Variants in GALNT18 observed in about 807,000 individuals in gnomAD.
GALNT18 encodes polypeptide N-acetylgalactosaminyltransferase 18.
GALNT18 carries 44 observed loss-of-function variants against 69.5 expected under a neutral mutation model. The observed-to-expected ratio is 0.63, with a 90% confidence interval of 0.50 to 0.81. GALNT18 has a LOEUF of 0.81. Among genes scored for constraint, GALNT18 ranks in the 40% least tolerant of loss-of-function variants. The pLI, the probability that GALNT18 is intolerant of heterozygous loss-of-function variation, is 0.00. For missense variants in GALNT18, 715 were observed against 810.0 expected, an observed-to-expected ratio of 0.88 and a Z score of 1.42; for synonymous variants, 364 against 318.2, an observed-to-expected ratio of 1.14 and a Z score of -1.53.
At chr11:11,282,827 C>A (rs1036432664) in intron 10 of GALNT18, among the ~76,000 whole-genome samples, 1 of 152,170 alleles carries the variant, frequency 6.6e-6, no homozygotes, top group Admixed American at 6.5e-5. Flanking sequence ...AGAAAAAGAT[C>A]TTTGCTTTTG....
At chr11:11,272,064 C>A (rs1349808998) in intron 10 of GALNT18, among the ~76,000 whole-genome samples, 3 of 152,158 alleles carry the variant, frequency 2.0e-5, no homozygotes, top group Non-Finnish European at 4.4e-5. Flanking sequence ...TAGACTTTGG[C>A]CTCCCAAGCA....
intron 9 of GALNT18, among the ~76,000 whole-genome samples, chr11:11,312,955 G>A (rs540641271): frequency 5.5e-4 from 83 of 152,234 alleles, no homozygotes; most frequent in African/African-American, 1.9e-3. Flanking sequence ...AGACCATCAG[G>A]TGTAACAATT....
rs1344588789 is a variant in GALNT18 at position 11,538,293 on chromosome 11, T to A, written c.235+83066A>T. Among the ~76,000 whole-genome samples the A allele has an allele frequency of 1.3e-5, 2 of 152,188 alleles. No homozygotes were observed. The highest frequency in any genetic ancestry group is 4.8e-5 in the African/African-American group (2 of 41,448). ...GCCACCACCATCCCCAGGGCTATGA[T>A]GGGGCTGGGAAGGCCACTCACTAAG... On this transcript the variant is annotated intron_variant, in intron 1 of 10. Coordinates refer to ENST00000227756, the MANE Select transcript of GALNT18 (RefSeq NM_198516.3). This position sits in a 1 kb window ranked among gnomAD's most constrained non-coding sequence, Gnocchi z 5.2.
At chr11:11,290,004 G>A (rs988974163) in intron 10 of GALNT18, among the ~76,000 whole-genome samples, 5 of 152,144 alleles carry the variant, frequency 3.3e-5, no homozygotes, top group African/African-American at 1.2e-4. Flanking sequence ...ATGACACCAA[G>A]TCCCCAGGGC....
At chr11:11,607,555 TATATC>T (rs1859785743) in intron 1 of GALNT18, among the ~76,000 whole-genome samples, 1 of 152,172 alleles carries the variant, frequency 6.6e-6, no homozygotes, top group Non-Finnish European at 1.5e-5. Context: ...ATATCAAAAT[TATATC>T]ATGCAACAAA....
At position 11,436,018 on chromosome 11, in the gene GALNT18, A is replaced by G. The variant is rs1272165749; in HGVS notation, c.429-3231T>C. On this transcript the variant is annotated intron_variant, in intron 2 of 10. Coordinates refer to ENST00000227756, the MANE Select transcript of GALNT18 (RefSeq NM_198516.3). This position sits in a 1 kb window ranked among gnomAD's most constrained non-coding sequence, Gnocchi z 4.5. Reference sequence around the variant, plus strand: ...CCGCTGTGGCCTCTCTCTCGGCATCAGGAGACACCTTTCCTCAGCCTTCAG... The same window carrying G: ...CCGCTGTGGCCTCTCTCTCGGCATCGGGAGACACCTTTCCTCAGCCTTCAG... Among the ~76,000 whole-genome samples the G allele has an allele frequency of 6.6e-6, 1 of 152,240 alleles. No homozygotes were observed. Among genetic ancestry groups the G allele is most frequent in the Non-Finnish European group, 1.5e-5 (1 of 68,042 alleles).
intron 8 of GALNT18, among the ~76,000 whole-genome samples, chr11:11,328,681 G>C (rs528237971): frequency 1.1e-4 from 16 of 152,318 alleles, no homozygotes; most frequent in Non-Finnish European, 2.4e-4. Flanking sequence ...GTCTCAGGCA[G>C]AGCCCCCAGT....
Position 11,597,821 on chromosome 11 carries a change from C to A in GALNT18, c.235+23538G>T, listed in dbSNP as rs181432092. Among the ~76,000 whole-genome samples, 267 of 152,008 alleles carry A rather than the reference C, an allele frequency of 1.8e-3. 3 individuals carry two copies. In the East Asian group the frequency reaches 0.042, roughly 24 times the overall value. On this transcript the variant is annotated intron_variant, in intron 1 of 10. Transcript: ENST00000227756. ...GACTACAGGCGCCTGCCACCACGCC[C>A]GGCTAATTTTTTGTATTTTTAGTAG...
chr11:11,569,195 A>C (rs9919639), intron 1 of GALNT18, among the ~76,000 whole-genome samples: 31,375 of 151,166 alleles, frequency 0.21, 4,134 homozygotes, highest in South Asian at 0.35. Context: ...GAGTTATAAA[A>C]CAGCTTCCTC....
rs955613973 is a variant in GALNT18 at position 11,382,662 on chromosome 11, G to T, written c.596-3398C>A. On this transcript the variant is annotated intron_variant, in intron 3 of 10. Coordinates refer to ENST00000227756, the MANE Select transcript of GALNT18 (RefSeq NM_198516.3). This position sits in a 1 kb window ranked among gnomAD's most constrained non-coding sequence, Gnocchi z 4.3. ...ATGACTAATCACAAAGATTTTATCAGGATTTTTGCTGCCCTATCTTTGCTA... is the reference window on the plus strand; with the variant it reads ...ATGACTAATCACAAAGATTTTATCATGATTTTTGCTGCCCTATCTTTGCTA... 6.6e-6 allele frequency among the ~76,000 whole-genome samples: 1 copy of T among 152,126 alleles called. No individual in the cohort carries two copies. The highest frequency in any genetic ancestry group is 6.6e-5 in the Admixed American group (1 of 15,266).
At chr11:11,530,655 T>C (rs1271734555) in intron 1 of GALNT18, among the ~76,000 whole-genome samples, 1 of 152,222 alleles carries the variant, frequency 6.6e-6, no homozygotes, top group Non-Finnish European at 1.5e-5. Context: ...GCCAAGCTCC[T>C]GACCTCCATT....
At chr11:11,553,971 T>A (rs1565009034) in intron 1 of GALNT18, among the ~76,000 whole-genome samples, 1 of 152,190 alleles carries the variant, frequency 6.6e-6, no homozygotes, top group Non-Finnish European at 1.5e-5. Context: ...CTTCCGTAAT[T>A]ATACATTGAT....
chr11:11,585,704 G>T (rs1177620594), intron 1 of GALNT18, among the ~76,000 whole-genome samples: 4 of 151,820 alleles, frequency 2.6e-5, no homozygotes, highest in African/African-American at 9.7e-5. Flanking sequence ...ACAACAGGCT[G>T]AATGCAGAAG....
intron 1 of GALNT18, among the ~76,000 whole-genome samples, chr11:11,451,758 T>C (rs1247988802): frequency 6.6e-6 from 1 of 152,130 alleles, no homozygotes; most frequent in Non-Finnish European, 1.5e-5. Flanking sequence ...TCAAAATACA[T>C]CAGTTAATAA....
intron 6 of GALNT18, chr11:11,351,908 C>A: frequency 3.4e-6 from 5 of 1,480,424 alleles, no homozygotes; most frequent in Admixed American, 2.0e-5. Context: ...TGGACTCCCC[C>A]ACCTCTGCTC....
rs1020696499 is a variant in GALNT18 at position 11,454,790 on chromosome 11, T to A, written c.236-5854A>T. ...GCTCTGGCAGACACGTTGATACCCA[T>A]CTTCCCTCCTGAGTCTCCTCAGTCT... On this transcript the variant is annotated intron_variant, in intron 1 of 10. Coordinates refer to ENST00000227756, the MANE Select transcript of GALNT18 (RefSeq NM_198516.3). The surrounding 1 kb of genome is among the most constrained non-coding windows in gnomAD (Gnocchi z 4.2). Among the ~76,000 whole-genome samples, 2 of 152,036 alleles carry A rather than the reference T, an allele frequency of 1.3e-5. No homozygotes were observed. The highest frequency in any genetic ancestry group is 2.4e-5 in the African/African-American group (1 of 41,404).
At chr11:11,316,731 T>A (rs951659026) in intron 9 of GALNT18, among the ~76,000 whole-genome samples, 1 of 152,244 alleles carries the variant, frequency 6.6e-6, no homozygotes, top group South Asian at 2.1e-4. Flanking sequence ...GCAGAAAGAA[T>A]GGGAGAAATC....
At chr11:11,306,041 T>A (rs958725563) in intron 9 of GALNT18, among the ~76,000 whole-genome samples, 1 of 152,192 alleles carries the variant, frequency 6.6e-6, no homozygotes, top group Non-Finnish European at 1.5e-5. Context: ...ATTAATGACT[T>A]GGATAGAATG....
At chr11:11,532,657 A>T (rs1172500529) in intron 1 of GALNT18, among the ~76,000 whole-genome samples, 1 of 152,212 alleles carries the variant, frequency 6.6e-6, no homozygotes, top group Non-Finnish European at 1.5e-5. Context: ...AACATAATGG[A>T]ATATGTCTAT....
Sources: allele counts gnomAD v4.1 joint callset (sites outside exome capture counted in the v4.1 genomes callset), GRCh38; gene constraint gnomAD v4.1.1; non-coding constraint Gnocchi (gnomAD v3.1); transcripts MANE v1.5; gene names NCBI Gene and HGNC (gene_info 2026-07-23, HGNC 2026-07-21).